The following TENM4 variants were observed in gnomAD, a reference collection of about 807,000 sequenced individuals.
TENM4 encodes the protein teneurin-4.
A neutral mutation model predicts 243.3 loss-of-function variants in TENM4; 82 were observed. The ratio of observed to expected loss-of-function variants is 0.34; its 90% CI spans 0.28 to 0.40. TENM4 has a LOEUF of 0.40. TENM4 is among the 10% of genes least tolerant of loss of function. The pLI, the probability that TENM4 is intolerant of heterozygous loss-of-function variation, is 1.00. For synonymous variants in TENM4, 1,412 were observed against 1,456.3 expected (o/e 0.97, Z 0.69); for missense variants, 3,138 against 3,673.3 (o/e 0.85, Z 3.77).
At chr11:79,368,624 C>A (rs1201422243) in intron 1 of TENM4, among the ~76,000 whole-genome samples, 1 of 152,174 alleles carries the variant, frequency 6.6e-6, no homozygotes, top group East Asian at 1.9e-4. Context: ...CCAGTCCTGC[C>A]ATTTACCAGC....
At chr11:79,000,314 T>C (rs1858283619) in intron 6 of TENM4, among the ~76,000 whole-genome samples, 1 of 152,094 alleles carries the variant, frequency 6.6e-6, no homozygotes, top group African/African-American at 2.4e-5. Flanking sequence ...GTGAAAAGCA[T>C]CAGAAATGGA....
At chr11:79,240,086 C>T (rs919564795) in intron 2 of TENM4, among the ~76,000 whole-genome samples, 2 of 152,132 alleles carry the variant, frequency 1.3e-5, no homozygotes, top group African/African-American at 2.4e-5. Flanking sequence ...CCTGGCTTTG[C>T]TATTTAATAG....
rs1860363657 is a variant in TENM4, at chr11:79,069,865, G to A, written c.80C>T (p.Ala27Val). The change falls in exon 5 of 34, where the codon GCG (alanine) becomes GTG (valine). Residue 27 changes from alanine (A) to valine (V), a missense_variant. By Grantham distance (64) the Ala-to-Val change is moderately conservative. Transcript: ENST00000278550. Reference sequence around the variant, plus strand: ...CGGGGCTTTGCCCTCCTCGCTGTCCGCGGACGAGCTGGTGTAGCGGCGCTC... The same window carrying A: ...CGGGGCTTTGCCCTCCTCGCTGTCCACGGACGAGCTGGTGTAGCGGCGCTC... Reference protein sequence around the residue: ...DAERRYTSSSADSEEGKAPQK... With the variant: ...DAERRYTSSSVDSEEGKAPQK... 2.6e-6 allele frequency: 4 copies of A among 1,549,976 alleles called. No individual in the cohort carries two copies. The Admixed American group carries it at 5.9e-5, about 23-fold the overall frequency.
intron 3 of TENM4, among the ~76,000 whole-genome samples, chr11:79,208,052 C>G (rs966774103): frequency 1.3e-5 from 2 of 151,954 alleles, no homozygotes; most frequent in African/African-American, 2.4e-5. Flanking sequence ...TACCATATGG[C>G]CTTCTAACAT....
In TENM4 at chr11:79,213,604, G is replaced by A. The variant is rs977349313; in HGVS notation, c.-163+2204C>T. ...AGATGAGTTTGATGGGACCAACTAC[G>A]TGGAAGGCCCCCATGTGGGGATGAG... On this transcript the variant is annotated intron_variant, in intron 3 of 33. Transcript: ENST00000278550. Among the ~76,000 whole-genome samples the A allele has an allele frequency of 6.6e-5, 10 of 152,284 alleles. No homozygotes were observed. In the East Asian group the frequency reaches 1.2e-3, roughly 18 times the overall value.
chr11:78,838,982 T>C (rs921803997), intron 12 of TENM4, among the ~76,000 whole-genome samples: 11 of 152,212 alleles, frequency 7.2e-5, no homozygotes, highest in Non-Finnish European at 1.5e-4. Context: ...TAATTTGTAA[T>C]TCTTCATTTT....
At chr11:79,356,215 T>C (rs1169252413) in intron 1 of TENM4, among the ~76,000 whole-genome samples, 1 of 152,160 alleles carries the variant, frequency 6.6e-6, no homozygotes. Flanking sequence ...TTAAACCTCT[T>C]CTGCAAGAGT....
intron 2 of TENM4, among the ~76,000 whole-genome samples, chr11:79,278,783 G>A (rs929271480): frequency 2.0e-5 from 3 of 152,144 alleles, no homozygotes; most frequent in African/African-American, 7.2e-5. Flanking sequence ...GTGGTGCTGG[G>A]TATGTGTGTA....
chr11:79,139,703 A>T (rs1483278804), intron 4 of TENM4, among the ~76,000 whole-genome samples: 4 of 82,960 alleles, frequency 4.8e-5, no homozygotes, highest in African/African-American at 1.2e-4. Context: ...TATATATAAT[A>T]TTTATATAAG....
At chr11:78,920,375 C>A (rs1301376299) in intron 6 of TENM4, among the ~76,000 whole-genome samples, 1 of 152,146 alleles carries the variant, frequency 6.6e-6, no homozygotes, top group Non-Finnish European at 1.5e-5. Flanking sequence ...GAAAAATGTC[C>A]TGTAATGATC....
At chr11:78,930,669 T>A (rs1319293635) in intron 6 of TENM4, among the ~76,000 whole-genome samples, 3 of 152,180 alleles carry the variant, frequency 2.0e-5, no homozygotes, top group Non-Finnish European at 4.4e-5. Context: ...TCAATGGAAG[T>A]TTGCTGAATG....
At chr11:79,227,114 C>A (rs1864284329) in intron 2 of TENM4, among the ~76,000 whole-genome samples, 1 of 152,218 alleles carries the variant, frequency 6.6e-6, no homozygotes, top group South Asian at 2.1e-4. Flanking sequence ...ATCTTCACCT[C>A]TTACTTTGTC....
chr11:79,334,752 T>A (rs2135450579), intron 1 of TENM4, among the ~76,000 whole-genome samples: 1 of 152,332 alleles, frequency 6.6e-6, no homozygotes, highest in East Asian at 1.9e-4. Context: ...ACAATCACAA[T>A]GAACGTTAGC....
intron 3 of TENM4, among the ~76,000 whole-genome samples, chr11:79,206,383 G>T (rs557227295): frequency 1.3e-5 from 2 of 152,334 alleles, no homozygotes; most frequent in South Asian, 4.1e-4. Flanking sequence ...CTAATTTGAG[G>T]TCAAAGCTAT....
chr11:79,002,499 T>A (rs1157053934), intron 6 of TENM4, among the ~76,000 whole-genome samples: 2 of 152,116 alleles, frequency 1.3e-5, no homozygotes, highest in East Asian at 3.9e-4. Context: ...CCAGTACTAG[T>A]TTCCAAGAGT....
intron 29 of TENM4, among the ~76,000 whole-genome samples, 175 bp from the exon 30 acceptor site, chr11:78,676,562 T>C (rs1449817683): frequency 6.6e-6 from 1 of 152,246 alleles, no homozygotes; most frequent in Non-Finnish European, 1.5e-5. Context: ...AGATTCTCCA[T>C]ATCCAAAGAA....
At chr11:79,348,036 C>T (rs575077033) in intron 1 of TENM4, among the ~76,000 whole-genome samples, 1 of 152,236 alleles carries the variant, frequency 6.6e-6, no homozygotes, top group South Asian at 2.1e-4. Flanking sequence ...GCCTCGGCCT[C>T]CCAAAGTGCT....
chr11:79,138,307 C>T (rs1221775760), intron 4 of TENM4, among the ~76,000 whole-genome samples: 1 of 100,608 alleles, frequency 9.9e-6, no homozygotes, highest in African/African-American at 5.1e-5. Context: ...TAATAAACTC[C>T]CCTTTATATA....
intron 4 of TENM4, among the ~76,000 whole-genome samples, chr11:79,141,172 G>C (rs1034436113): frequency 6.6e-6 from 1 of 152,040 alleles, no homozygotes; most frequent in Non-Finnish European, 1.5e-5. Context: ...CTGGGCCTCA[G>C]ATTCCTCACC....
Sources: allele counts gnomAD v4.1 joint callset (sites outside exome capture counted in the v4.1 genomes callset), GRCh38; gene constraint gnomAD v4.1.1; transcripts MANE v1.5; gene names NCBI Gene and HGNC (gene_info 2026-07-23, HGNC 2026-07-21).